Variants in SFMBT2 observed in about 807,000 individuals in gnomAD.
SFMBT2 encodes Scm like with four mbt domains 2.
Under a neutral mutation model 110.1 loss-of-function variants are expected in SFMBT2, and 38 were observed. The observed-to-expected ratio is 0.35, with a 90% CI of 0.27 to 0.45. The LOEUF (loss-of-function observed/expected upper bound fraction) is 0.45, where lower values mean the gene tolerates loss of function less well. Among genes scored for constraint, SFMBT2 ranks in the 20% least tolerant of loss-of-function variants. The pLI, the probability that SFMBT2 is intolerant of heterozygous loss-of-function variation, is 1.00. For missense variants in SFMBT2, 1,011 were observed against 1,094.9 expected, an observed-to-expected ratio of 0.92 and a Z score of 1.08; for synonymous variants, 425 against 425.4, an observed-to-expected ratio of 1.00 and a Z score of 0.01.
At chr10:7,407,108 A>T (rs1194195557) in intron 1 of SFMBT2, among the ~76,000 whole-genome samples, 1 of 152,154 alleles carries the variant, frequency 6.6e-6, no homozygotes, top group Non-Finnish European at 1.5e-5. Context: ...GGGAGAAAGC[A>T]GAGTGTGTGC....
intron 1 of SFMBT2, among the ~76,000 whole-genome samples, chr10:7,385,009 G>A (rs1460869615): frequency 6.6e-6 from 1 of 152,182 alleles, no homozygotes; most frequent in Non-Finnish European, 1.5e-5. Flanking sequence ...GGCACTCTAA[G>A]GTCTTCTGCG....
At chr10:7,181,081 A>C (rs964958114) in intron 16 of SFMBT2, among the ~76,000 whole-genome samples, 1 of 152,056 alleles carries the variant, frequency 6.6e-6, no homozygotes, top group Non-Finnish European at 1.5e-5. Flanking sequence ...TCTCCTAAAA[A>C]TACAAAAAAC....
intron 4 of SFMBT2, among the ~76,000 whole-genome samples, chr10:7,327,912 T>C (rs1452116388): frequency 1.3e-5 from 2 of 152,214 alleles, no homozygotes; most frequent in Non-Finnish European, 2.9e-5. Flanking sequence ...CAACTATGAA[T>C]AGGGCTGCTA....
chr10:7,395,223 G>T (rs1464504464), intron 1 of SFMBT2, among the ~76,000 whole-genome samples: 4 of 152,176 alleles, frequency 2.6e-5, no homozygotes, highest in African/African-American at 9.7e-5. Context: ...GGAGGTGGAG[G>T]CTGCAGTGAG....
chr10:7,329,940 A>T (rs1843515151), intron 4 of SFMBT2, among the ~76,000 whole-genome samples: 1 of 152,190 alleles, frequency 6.6e-6, no homozygotes, highest in African/African-American at 2.4e-5. Flanking sequence ...TCACCCCTCA[A>T]TGCAAGAAAT....
intron 12 of SFMBT2, chr10:7,203,041 C>A: frequency 1.0e-6 from 1 of 985,404 alleles, no homozygotes; most frequent in Non-Finnish European, 1.2e-6. Flanking sequence ...ATAGTGATTT[C>A]TTTGGATAAG....
rs577123906 is a variant in SFMBT2, at chr10:7,325,672, C to T, written c.437-39718G>A. On this transcript the variant is annotated intron_variant, in intron 4 of 20. Coordinates refer to ENST00000397167, the MANE Select transcript of SFMBT2 (RefSeq NM_001387889.1). ...AGTAGGTACAGGCTCAGGTACAACT[C>T]TACCAGAAGGTACAACGTGGCGGTC... 1.1e-4 allele frequency among the ~76,000 whole-genome samples: 17 copies of T among 152,330 alleles called. No homozygotes were observed. In the East Asian group the frequency reaches 3.3e-3, roughly 29 times the overall value.
At chr10:7,206,906 G>A in intron 11 of SFMBT2, 1 of 985,372 alleles carries the variant, frequency 1.0e-6, no homozygotes, top group Non-Finnish European at 1.2e-6. Context: ...AGCCCTGCTT[G>A]GTTTCCTCAT....
intron 16 of SFMBT2, among the ~76,000 whole-genome samples, chr10:7,183,884 C>T (rs1029902899): frequency 6.6e-5 from 10 of 152,192 alleles, no homozygotes; most frequent in African/African-American, 2.4e-4. Flanking sequence ...ACTGACCCAC[C>T]CTCTGAGTTA....
chr10:7,186,459 C>CACACACACACACAT (rs748644225), intron 16 of SFMBT2, among the ~76,000 whole-genome samples: 20 of 126,908 alleles, frequency 1.6e-4, no homozygotes, highest in African/African-American at 5.2e-4. Context: ...CACACACACA[C>CACACACACACACAT]ATATATATAT....
At chr10:7,358,822 G>GGCCCTGGAATGGAGGCATGGCC (rs1844614912) in intron 4 of SFMBT2, among the ~76,000 whole-genome samples, 1 of 151,896 alleles carries the variant, frequency 6.6e-6, no homozygotes, top group Non-Finnish European at 1.5e-5. Flanking sequence ...GAGGCATGGT[G>GGCCCTGGAATGGAGGCATGGCC]GCCCTGCAAT....
At chr10:7,315,068 GAA>G (rs1178681348) in intron 4 of SFMBT2, among the ~76,000 whole-genome samples, 1 of 142,020 alleles carries the variant, frequency 7.0e-6, no homozygotes, top group African/African-American at 2.6e-5. Context: ...AAGAAAGAAA[GAA>G]AGAAAGAAAG....
intron 1 of SFMBT2, among the ~76,000 whole-genome samples, chr10:7,387,657 A>G (rs368052580): frequency 6.7e-4 from 102 of 151,998 alleles, no homozygotes; most frequent in Admixed American, 2.2e-3. Flanking sequence ...GAGGATGGGC[A>G]TGGTGGCTCA....
chr10:7,281,619 G>A (rs1841951079), intron 6 of SFMBT2, among the ~76,000 whole-genome samples: 1 of 152,182 alleles, frequency 6.6e-6, no homozygotes, highest in Non-Finnish European at 1.5e-5. Flanking sequence ...GTCCCCATGT[G>A]TACAACAGGG....
At chr10:7,292,378 T>C (rs1490022032) in intron 4 of SFMBT2, 3 of 183,036 alleles carry the variant, frequency 1.6e-5, no homozygotes, top group African/African-American at 7.1e-5. Context: ...AAGGAGAACC[T>C]ACATTAATTT....
intron 4 of SFMBT2, among the ~76,000 whole-genome samples, chr10:7,310,303 C>A (rs1227020903): frequency 1.3e-5 from 2 of 152,196 alleles, no homozygotes; most frequent in Admixed American, 6.5e-5. Flanking sequence ...AGGTGCAAAA[C>A]CGGGCATGAA....
At chr10:7,235,749 T>C (rs1043101566) in intron 9 of SFMBT2, among the ~76,000 whole-genome samples, 4 of 152,146 alleles carry the variant, frequency 2.6e-5, no homozygotes, top group African/African-American at 9.6e-5. Flanking sequence ...CAGATAAAAA[T>C]ACAGTGAGGA....
At chr10:7,332,987 C>G (rs1007559592) in intron 4 of SFMBT2, among the ~76,000 whole-genome samples, 1 of 152,206 alleles carries the variant, frequency 6.6e-6, no homozygotes. Flanking sequence ...CTGCCTCACC[C>G]TCCCGAGTAA....
rs761111827 is a variant in SFMBT2, at chr10:7,160,972, C to A, written c.*2798G>T. On this transcript the variant is annotated 3_prime_UTR_variant, in exon 21 of 21. Coordinates refer to ENST00000397167, the MANE Select transcript of SFMBT2 (RefSeq NM_001387889.1). ...GGCACAGAGACAACTTTCATGGCGA[C>A]GCCAGGCTGCGCCCTCCTGTGCAGT... The A allele has an allele frequency of 2.6e-5, 4 of 152,242 alleles. No individual in the cohort carries two copies. Among genetic ancestry groups the A allele is most frequent in the Non-Finnish European group, 5.9e-5 (4 of 68,072 alleles). 9.4% of individuals were successfully genotyped at this position (152,242 alleles called of 1,614,324 possible).
Sources: gnomAD v4.1 joint callset for allele counts (sites outside exome capture counted in the v4.1 genomes callset) on GRCh38, gnomAD v4.1.1 for gene constraint, MANE v1.5 for transcripts, NCBI Gene and HGNC (gene_info 2026-07-23, HGNC 2026-07-21) for gene names.